Variants in LHFPL3 observed in about 807,000 individuals in gnomAD.
LHFPL3 encodes LHFPL tetraspan subfamily member 3 protein.
Under a neutral mutation model 19.3 loss-of-function variants are expected in LHFPL3, and 5 were observed. That is an observed-to-expected ratio of 0.26 (90% CI 0.14 to 0.54). LHFPL3 has a LOEUF of 0.54. Among genes scored for constraint, LHFPL3 ranks in the 20% least tolerant of loss-of-function variants. The pLI, the probability that LHFPL3 is intolerant of heterozygous loss-of-function variation, is 0.94. For synonymous variants in LHFPL3, 133 were observed against 126.2 expected (o/e 1.05, Z -0.36); for missense variants, 249 against 307.4 (o/e 0.81, Z 1.42).
intron 1 of LHFPL3, among the ~76,000 whole-genome samples, chr7:104,703,056 A>T (rs2116181858): frequency 6.6e-6 from 1 of 152,288 alleles, no homozygotes; most frequent in East Asian, 1.9e-4. Flanking sequence ...CTTCTAGATG[A>T]TTTTTTAACT....
At chr7:104,864,932 T>C (rs986799217) in intron 2 of LHFPL3, among the ~76,000 whole-genome samples, 11 of 152,218 alleles carry the variant, frequency 7.2e-5, no homozygotes, top group Admixed American at 6.5e-5. Context: ...TCCGCTGTTC[T>C]GCAGCCTCCA....
intron 1 of LHFPL3, among the ~76,000 whole-genome samples, chr7:104,637,734 G>C (rs1003886921): frequency 6.6e-6 from 1 of 151,038 alleles, no homozygotes; most frequent in African/African-American, 2.4e-5. Flanking sequence ...TGTTTCATTG[G>C]TCTATGTGTC....
intron 1 of LHFPL3, among the ~76,000 whole-genome samples, chr7:104,591,623 G>A (rs576333047): frequency 2.6e-5 from 4 of 152,226 alleles, no homozygotes; most frequent in African/African-American, 9.6e-5. Context: ...GAGTATCTTT[G>A]TGGCGTTCTC....
intron 1 of LHFPL3, among the ~76,000 whole-genome samples, chr7:104,430,658 C>T (rs1379984290): frequency 4.7e-5 from 7 of 149,762 alleles, no homozygotes; most frequent in East Asian, 2.0e-4. Flanking sequence ...TTAGTAGAGA[C>T]GGGATTTCAC....
chr7:104,573,498 A>G (rs759096652), intron 1 of LHFPL3, among the ~76,000 whole-genome samples: 2 of 152,182 alleles, frequency 1.3e-5, no homozygotes, highest in Non-Finnish European at 2.9e-5. Flanking sequence ...TGGTATAGGA[A>G]TGAACTTAGG....
intron 2 of LHFPL3, among the ~76,000 whole-genome samples, chr7:104,744,691 A>C (rs1794006398): frequency 6.6e-6 from 1 of 152,180 alleles, no homozygotes; most frequent in African/African-American, 2.4e-5. Flanking sequence ...CCCAATTGCT[A>C]AATCTCATGC....
chr7:104,341,821 T>C (rs1789959792), intron 1 of LHFPL3, among the ~76,000 whole-genome samples: 1 of 152,022 alleles, frequency 6.6e-6, no homozygotes, highest in Admixed American at 6.6e-5. Context: ...CCAGACTCAT[T>C]TTCTCCCTGA....
chr7:104,658,518 C>T (rs560529276), intron 1 of LHFPL3, among the ~76,000 whole-genome samples: 1 of 152,266 alleles, frequency 6.6e-6, no homozygotes, highest in East Asian at 1.9e-4. Context: ...ACCTCTAGTA[C>T]CTGGCTGGCA....
At chr7:104,630,581 T>C (rs1240166033) in intron 1 of LHFPL3, among the ~76,000 whole-genome samples, 1 of 152,164 alleles carries the variant, frequency 6.6e-6, no homozygotes, top group Non-Finnish European at 1.5e-5. Flanking sequence ...CACCATGTGA[T>C]CCAAGGCAGG....
chr7:104,343,344 C>T (rs1789994999), intron 1 of LHFPL3, among the ~76,000 whole-genome samples: 2 of 151,616 alleles, frequency 1.3e-5, no homozygotes, highest in Non-Finnish European at 2.9e-5. Flanking sequence ...GAAACCCCAT[C>T]TCTACTAAAA....
intron 1 of LHFPL3, among the ~76,000 whole-genome samples, chr7:104,480,342 C>A (rs2115654331): frequency 6.6e-6 from 1 of 152,260 alleles, no homozygotes; most frequent in African/African-American, 2.4e-5. Flanking sequence ...CGTCCCCCCA[C>A]CGCCCAGATT....
At chr7:104,734,166 T>G (rs1235200547) in intron 1 of LHFPL3, among the ~76,000 whole-genome samples, 1 of 152,202 alleles carries the variant, frequency 6.6e-6, no homozygotes, top group Non-Finnish European at 1.5e-5. Context: ...TTTTTTCATT[T>G]CAACTTTGGT....
At chr7:104,516,634 G>A (rs1477025859) in intron 1 of LHFPL3, among the ~76,000 whole-genome samples, 3 of 152,014 alleles carry the variant, frequency 2.0e-5, no homozygotes, top group East Asian at 1.9e-4. Context: ...TGATTAAAAA[G>A]TAAAAAAATA....
intron 2 of LHFPL3, among the ~76,000 whole-genome samples, chr7:104,766,123 A>C (rs954415591): frequency 2.0e-5 from 3 of 152,192 alleles, no homozygotes; most frequent in African/African-American, 7.2e-5. Flanking sequence ...GAATGATCCT[A>C]ATGCTAAAGT....
At chr7:104,828,285 G>C (rs774405137) in intron 2 of LHFPL3, among the ~76,000 whole-genome samples, 1 of 151,886 alleles carries the variant, frequency 6.6e-6, no homozygotes, top group Non-Finnish European at 1.5e-5. Flanking sequence ...TAGAGGCAGG[G>C]CTCCTGAGTC....
intron 1 of LHFPL3, among the ~76,000 whole-genome samples, chr7:104,396,038 A>G (rs566641725): frequency 2.0e-5 from 3 of 152,288 alleles, no homozygotes; most frequent in East Asian, 1.9e-4. Context: ...TTGGAAGATC[A>G]CCCAGACAGC....
intron 2 of LHFPL3, among the ~76,000 whole-genome samples, chr7:104,760,819 G>A (rs1403356319): frequency 6.6e-6 from 1 of 151,826 alleles, no homozygotes; most frequent in East Asian, 1.9e-4. Flanking sequence ...CCTACCCATT[G>A]ATCTCTAGCC....
At chr7:104,579,845 C>T (rs1790421458) in intron 1 of LHFPL3, among the ~76,000 whole-genome samples, 1 of 152,160 alleles carries the variant, frequency 6.6e-6, no homozygotes, top group South Asian at 2.1e-4. Flanking sequence ...ACAGTTTCTG[C>T]CCTCTTGGAG....
At chr7:104,800,443 G>A (rs1790221423) in intron 2 of LHFPL3, among the ~76,000 whole-genome samples, 1 of 151,944 alleles carries the variant, frequency 6.6e-6, no homozygotes, top group Non-Finnish European at 1.5e-5. Context: ...AACTGCTCTT[G>A]CCCACTTTCC....
Sources: allele counts gnomAD v4.1 joint callset (sites outside exome capture counted in the v4.1 genomes callset), GRCh38; gene constraint gnomAD v4.1.1; transcripts MANE v1.5; gene names NCBI Gene and HGNC (gene_info 2026-07-23, HGNC 2026-07-21).